RIMS2: variants seen among roughly 807,000 people sequenced by gnomAD.
The protein encoded by RIMS2 is regulating synaptic membrane exocytosis protein 2.
RIMS2 carries 59 observed loss-of-function variants against 174.4 expected under a neutral mutation model. That is an observed-to-expected ratio of 0.34 (90% CI 0.27 to 0.42). The LOEUF (loss-of-function observed/expected upper bound fraction) is 0.42. RIMS2 is among the 10% of genes least tolerant of loss of function. RIMS2 has a pLI of 1.00. For missense variants in RIMS2, 1,620 were observed against 1,666.3 expected, an observed-to-expected ratio of 0.97 and a Z score of 0.48; for synonymous variants, 606 against 572.5, an observed-to-expected ratio of 1.06 and a Z score of -0.84.
intron 19 of RIMS2, among the ~76,000 whole-genome samples, chr8:104,107,702 C>G (rs2098099705): frequency 6.6e-6 from 1 of 152,218 alleles, no homozygotes; most frequent in Admixed American, 6.5e-5. Flanking sequence ...AATCCTAGCT[C>G]TTTGGGAGGC....
chr8:104,005,604 A>G (rs991972479), intron 17 of RIMS2, among the ~76,000 whole-genome samples: 2 of 152,162 alleles, frequency 1.3e-5, no homozygotes, highest in African/African-American at 4.8e-5. Context: ...TTGAGAGAAG[A>G]TATCAGGGGG....
chr8:103,900,580 G>A (rs1594811970), intron 4 of RIMS2, among the ~76,000 whole-genome samples: 1 of 152,046 alleles, frequency 6.6e-6, no homozygotes, highest in South Asian at 2.1e-4. Context: ...CCAGACTTGG[G>A]CCAGGACTCA....
intron 3 of RIMS2, among the ~76,000 whole-genome samples, chr8:103,772,313 AAT>A (rs1223774762): frequency 6.6e-6 from 1 of 151,936 alleles, no homozygotes; most frequent in African/African-American, 2.4e-5. Flanking sequence ...GAATATAGTC[AAT>A]GTCTGATAAC....
chr8:104,128,639 G>A (rs1483793178), intron 19 of RIMS2, among the ~76,000 whole-genome samples: 1 of 152,144 alleles, frequency 6.6e-6, no homozygotes, highest in Admixed American at 6.5e-5. Flanking sequence ...GGAGGTTGCG[G>A]TGAGCCAAGA....
chr8:103,886,324 C>A, intron 4 of RIMS2, 101 bp downstream of exon 7: 1 of 986,564 alleles, frequency 1.0e-6, no homozygotes, highest in Non-Finnish European at 1.4e-6. Flanking sequence ...TTACTAGTAG[C>A]TTTATTTTAA....
At chr8:103,876,861 A>ATT (rs200458704) in intron 3 of RIMS2, among the ~76,000 whole-genome samples, 3,807 of 68,472 alleles carry the variant, frequency 0.056, 239 homozygotes, top group South Asian at 0.12. Flanking sequence ...CACACACACT[A>ATT]TTTTATATAT....
chr8:103,621,645 T>G (rs550880817), intron 1 of RIMS2, among the ~76,000 whole-genome samples: 1 of 152,332 alleles, frequency 6.6e-6, no homozygotes, highest in South Asian at 2.1e-4. Flanking sequence ...CTAAGAGAAG[T>G]TACTGTTTAT....
At chr8:103,697,180 A>G (rs1044087340) in exon 2 of RIMS2, 1 of 1,613,576 alleles carries the variant, frequency 6.2e-7, no homozygotes, top group South Asian at 1.1e-5. Context: ...TGATGCGCCA[A>G]CCTGTGGTAT....
At chr8:103,985,329 C>A (rs1007588862) in intron 16 of RIMS2, among the ~76,000 whole-genome samples, 1 of 151,552 alleles carries the variant, frequency 6.6e-6, no homozygotes, top group African/African-American at 2.4e-5. Flanking sequence ...CAAAAATTAG[C>A]CGAGCATGGT....
At chr8:103,855,375 T>C (rs1301147544) in intron 3 of RIMS2, among the ~76,000 whole-genome samples, 1 of 152,104 alleles carries the variant, frequency 6.6e-6, no homozygotes, top group Non-Finnish European at 1.5e-5. Context: ...ATTTTAGTTA[T>C]TTCTTTTCTT....
chr8:103,792,519 A>C (rs375298998), intron 3 of RIMS2, among the ~76,000 whole-genome samples: 136 of 152,296 alleles, frequency 8.9e-4, no homozygotes, highest in African/African-American at 3.1e-3. Flanking sequence ...GAACTAGAGA[A>C]ACAAGAGCAA....
Position 103,855,899 on chromosome 8 carries a change from A to C in RIMS2, c.699-29399A>C, listed in dbSNP as rs543581840. ...TTGGTCAAGTGTCAAGTTTAAATCCAGAATTTGCTTGTTAGTTTTTTGCCT... is the reference window on the plus strand; with the variant it reads ...TTGGTCAAGTGTCAAGTTTAAATCCCGAATTTGCTTGTTAGTTTTTTGCCT... On this transcript the variant is annotated intron_variant, in intron 3 of 23. Coordinates refer to ENST00000504942, the Ensembl canonical transcript of RIMS2. Among the ~76,000 whole-genome samples, 24 of 152,140 alleles carry C rather than the reference A, an allele frequency of 1.6e-4. No individual in the cohort carries two copies. The South Asian group carries it at 2.7e-3, about 17-fold the overall frequency.
intron 3 of RIMS2, among the ~76,000 whole-genome samples, chr8:103,773,633 G>C (rs2098277698): frequency 6.6e-6 from 1 of 152,162 alleles, no homozygotes; most frequent in South Asian, 2.1e-4. Flanking sequence ...GGAAGGCTGA[G>C]ACAGGAGAAT....
intron 19 of RIMS2, among the ~76,000 whole-genome samples, chr8:104,174,242 C>T (rs2441884): frequency 0.22 from 33,668 of 151,936 alleles, 4,498 homozygotes; most frequent in South Asian, 0.37. Flanking sequence ...CCGCTGCACC[C>T]GGCCCTAAAG....
chr8:104,137,884 C>T (rs1386120391), intron 19 of RIMS2, among the ~76,000 whole-genome samples: 1 of 152,114 alleles, frequency 6.6e-6, no homozygotes, highest in Non-Finnish European at 1.5e-5. Context: ...ATTGTTCATT[C>T]TATCTAATCA....
intron 1 of RIMS2, among the ~76,000 whole-genome samples, chr8:103,610,401 C>G (rs1435055566): frequency 6.6e-6 from 1 of 152,124 alleles, no homozygotes; most frequent in African/African-American, 2.4e-5. Context: ...GCATCCCTGT[C>G]TTATTCTGAT....
chr8:104,249,698 G>A (rs962351124), intron 22 of RIMS2, 110 bp downstream of exon 28: 12 of 649,080 alleles, frequency 1.8e-5, no homozygotes, highest in Non-Finnish European at 3.3e-5. Flanking sequence ...ATTACTAATG[G>A]ATGGTCCATT....
chr8:103,786,585 A>G (rs1045088177), intron 3 of RIMS2, among the ~76,000 whole-genome samples: 2 of 152,198 alleles, frequency 1.3e-5, no homozygotes, highest in Non-Finnish European at 2.9e-5. Flanking sequence ...GCGGTTTTGA[A>G]TGAGATTCTT....
intron 19 of RIMS2, among the ~76,000 whole-genome samples, chr8:104,168,414 C>A (rs2098810543): frequency 6.6e-6 from 1 of 151,806 alleles, no homozygotes; most frequent in African/African-American, 2.4e-5. Context: ...ATTTTATTTT[C>A]TTTTTGCAGC....
Sources: gnomAD v4.1 joint callset for allele counts (sites outside exome capture counted in the v4.1 genomes callset) on GRCh38, gnomAD v4.1.1 for gene constraint, MANE v1.5 for transcripts, NCBI Gene and HGNC (gene_info 2026-07-23, HGNC 2026-07-21) for gene names.